Variants in FOXP2 observed in about 807,000 individuals in gnomAD.
FOXP2 encodes forkhead box protein P2.
FOXP2 carries 12 observed loss-of-function variants against 115.8 expected under a neutral mutation model. That is an observed-to-expected ratio of 0.10 (90% confidence interval 0.07 to 0.17). The LOEUF is 0.17. Ranked by LOEUF, FOXP2 falls within the 10% of genes least tolerant of loss-of-function variation. The pLI is 1.00. For missense variants in FOXP2, 629 were observed against 843.5 expected, an observed-to-expected ratio of 0.75 and a Z score of 3.15; for synonymous variants, 328 against 297.7, an observed-to-expected ratio of 1.10 and a Z score of -1.05.
At chr7:114,473,796 A>T (rs1796145547) in intron 2 of FOXP2, among the ~76,000 whole-genome samples, 1 of 152,140 alleles carries the variant, frequency 6.6e-6, no homozygotes, top group African/African-American at 2.4e-5. Context: ...AAAATGTCCC[A>T]CAGAGCCTAC....
At chr7:114,477,494 C>G (rs935968190) in intron 2 of FOXP2, among the ~76,000 whole-genome samples, 1 of 151,728 alleles carries the variant, frequency 6.6e-6, no homozygotes, top group Non-Finnish European at 1.5e-5. Flanking sequence ...ACTACTAGAG[C>G]GAGAAGGGAG....
At chr7:114,665,103 C>A (rs1158296871) in intron 16 of FOXP2, 1 of 152,244 alleles carries the variant, frequency 6.6e-6, no homozygotes, top group Non-Finnish European at 1.5e-5. Flanking sequence ...TTTAATGGAG[C>A]TGAGAGAGTA....
rs544194405 is a variant in FOXP2 at position 114,629,490 on chromosome 7, G to T, written c.397-315G>T. ...TTATTCTTACAACTGGTAGAGTATA[G>T]CCTAGTTTTTATGTGTCAGTAGGAC... is the stretch of plus-strand genomic sequence containing the variant. On this transcript the variant is annotated intron_variant, in intron 4 of 16. Transcript: ENST00000350908. 482 of 986,536 alleles carry T rather than the reference G, an allele frequency of 4.9e-4. 2 individuals are homozygous for T. In the Middle Eastern group the frequency reaches 0.015, roughly 30 times the overall value. The allele number at this position is 986,536 out of a possible 1,614,324, so 61.1% of individuals were successfully genotyped here. A position where few individuals can be genotyped will look rare whatever the true frequency, so the allele number is the denominator to read the frequency against.
intron 2 of FOXP2, among the ~76,000 whole-genome samples, chr7:114,520,676 A>G (rs1371016606): frequency 5.3e-5 from 8 of 152,150 alleles, no homozygotes; most frequent in Non-Finnish European, 1.2e-4. Context: ...AGATAGACAG[A>G]TATTAGATAT....
rs188148173 is a variant in FOXP2, at chr7:114,654,236, C to T, written c.1266+227C>T. On this transcript the variant is annotated intron_variant, in intron 10 of 16. Coordinates refer to ENST00000350908, the MANE Select transcript of FOXP2 (RefSeq NM_014491.4). ...CATGGGTGACACTAAACAAAGTACA[C>T]CTATCAGTGCACAAATCACTGCCTT... 3.1e-4 allele frequency: 312 copies of T among 993,352 alleles called. No individual in the cohort carries two copies. In the African/African-American group the frequency reaches 4.6e-3, roughly 15 times the overall value. 61.5% of individuals were successfully genotyped at this position (993,352 alleles called of 1,614,324 possible).
chr7:114,138,382 A>C (rs891838792), intron 1 of FOXP2, among the ~76,000 whole-genome samples: 1 of 142,384 alleles, frequency 7.0e-6, no homozygotes, highest in African/African-American at 2.6e-5. Flanking sequence ...CAACAACTCT[A>C]TAAGCCTATT....
chr7:114,386,143 G>A (rs1053578830), intron 2 of FOXP2, among the ~76,000 whole-genome samples: 7 of 152,226 alleles, frequency 4.6e-5, no homozygotes, highest in African/African-American at 1.7e-4. Context: ...ATGGGAGTCG[G>A]CGGTGGGTCT....
intron 3 of FOXP2, among the ~76,000 whole-genome samples, chr7:114,598,530 T>C (rs1332935664): frequency 3.9e-5 from 6 of 152,106 alleles, no homozygotes; most frequent in Non-Finnish European, 8.8e-5. Flanking sequence ...TTTTTCTATG[T>C]TATTTAGATT....
intron 2 of FOXP2, among the ~76,000 whole-genome samples, chr7:114,406,034 G>C (rs570649553): frequency 6.6e-6 from 1 of 151,822 alleles, no homozygotes; most frequent in South Asian, 2.1e-4. Flanking sequence ...TAATACACAG[G>C]TGGATATTTA....
intron 2 of FOXP2, among the ~76,000 whole-genome samples, chr7:114,456,066 C>T (rs945819834): frequency 9.2e-5 from 14 of 152,198 alleles, no homozygotes; most frequent in Non-Finnish European, 1.3e-4. Flanking sequence ...TCCCCTCACT[C>T]TCATCCTCAT....
At chr7:114,601,934 A>C (rs1240611713) in intron 3 of FOXP2, among the ~76,000 whole-genome samples, 3 of 152,052 alleles carry the variant, frequency 2.0e-5, no homozygotes, top group African/African-American at 7.2e-5. Flanking sequence ...CATTTTATAC[A>C]GCACTTTATA....
chr7:114,589,857 C>T (rs754398205), intron 3 of FOXP2, among the ~76,000 whole-genome samples: 1 of 152,160 alleles, frequency 6.6e-6, no homozygotes, highest in Non-Finnish European at 1.5e-5. Flanking sequence ...TTAGGCCCTT[C>T]CATCTGCTCA....
chr7:114,163,721 A>T (rs185889562), intron 1 of FOXP2, among the ~76,000 whole-genome samples: 267 of 152,334 alleles, frequency 1.8e-3, no homozygotes, highest in African/African-American at 6.1e-3. Flanking sequence ...TGATAGAAGG[A>T]GGATTGAAGC....
chr7:114,357,110 GC>G (rs747986994), intron 2 of FOXP2, among the ~76,000 whole-genome samples: 40 of 152,100 alleles, frequency 2.6e-4, no homozygotes, highest in Admixed American at 3.9e-4. Context: ...GTAAGTAAAT[GC>G]CATCAGAATT....
At chr7:114,375,520 T>TG (rs1792117859) in intron 2 of FOXP2, among the ~76,000 whole-genome samples, 1 of 152,180 alleles carries the variant, frequency 6.6e-6, no homozygotes, top group Admixed American at 6.5e-5. Context: ...TTAGTTATAT[T>TG]GCTATGTGAC....
chr7:114,096,157 A>T (rs770605266), intron 1 of FOXP2, among the ~76,000 whole-genome samples: 8 of 152,204 alleles, frequency 5.3e-5, no homozygotes, highest in Non-Finnish European at 1.2e-4. Flanking sequence ...CCATCAGCTC[A>T]CTATGCAGAT....
exon 1 of FOXP2, chr7:114,087,823 C>G (rs1294369707): frequency 6.6e-6 from 1 of 152,106 alleles, no homozygotes; most frequent in African/African-American, 2.4e-5. Flanking sequence ...TATTCTCAGA[C>G]TCTGGAATCT....
chr7:114,374,544 A>G lies in FOXP2; in HGVS notation c.-10-51958A>G, dbSNP rs369467834. 7.9e-5 allele frequency among the ~76,000 whole-genome samples: 12 copies of G among 152,292 alleles called. No individual in the cohort carries two copies. In the South Asian group the frequency reaches 2.3e-3, roughly 29 times the overall value. ...TAAGGTTTGTGCTTTGAGGAAGCTT[A>G]TAATTAAATGGGAAGGAAAAAGGCA... is the stretch of plus-strand genomic sequence containing the variant. On this transcript the variant is annotated intron_variant, in intron 2 of 17. Transcript: ENST00000634411.
At chr7:114,683,366 G>T (rs1172892841) in intron 16 of FOXP2, among the ~76,000 whole-genome samples, 2 of 152,156 alleles carry the variant, frequency 1.3e-5, no homozygotes, top group Non-Finnish European at 2.9e-5. Flanking sequence ...GGCAATATGG[G>T]GTAGCAGAAA....
Sources: gnomAD v4.1 joint callset for allele counts (sites outside exome capture counted in the v4.1 genomes callset) on GRCh38, gnomAD v4.1.1 for gene constraint, MANE v1.5 for transcripts, NCBI Gene and HGNC (gene_info 2026-07-23, HGNC 2026-07-21) for gene names.